Variants in FAM53C observed in about 807,000 individuals in gnomAD.
FAM53C encodes the protein family with sequence similarity 53 member C, also known as protein FAM53C.
In FAM53C, 10 loss-of-function variants were observed where a neutral mutation model predicts 34.7. The ratio of observed to expected loss-of-function variants is 0.29; its 90% confidence interval spans 0.18 to 0.49. FAM53C has a LOEUF of 0.49. Ranked by LOEUF, FAM53C falls within the 20% of genes least tolerant of loss-of-function variation. The probability of loss-of-function intolerance (pLI) is 0.99; values close to 1 mark genes in which losing one functional copy is unlikely to be tolerated. For missense variants in FAM53C, 442 were observed against 515.3 expected (o/e 0.86, Z 1.38); for synonymous variants, 203 against 203.6 (o/e 1.00, Z 0.03).
Position 138,343,600 on chromosome 5 carries a change from T to C in FAM53C, c.137-1225T>C, listed in dbSNP as rs140678682. 1,036 of 152,270 alleles carry C rather than the reference T, an allele frequency of 6.8e-3. 8 individuals are homozygous for C. Among genetic ancestry groups the C allele is most frequent in the South Asian group, 0.012 (59 of 4,826 alleles). 9.4% of individuals were successfully genotyped at this position (152,270 alleles called of 1,614,324 possible). A position where few individuals can be genotyped will look rare whatever the true frequency, so the allele number is the denominator to read the frequency against. ...CACATGTGAAAATATATCTGAGGTA[T>C]AAATTCGTAGATTATTAATTACTGA... On this transcript the variant is annotated intron_variant, in intron 3 of 4. Coordinates refer to ENST00000239906, the MANE Select transcript of FAM53C (RefSeq NM_016605.3).
rs1162802978 is a variant in FAM53C, at chr5:138,346,723, T to C, written c.943T>C (p.Cys315Arg). The C allele has an allele frequency of 6.2e-7, 1 of 1,614,104 alleles. No homozygotes were observed. The highest frequency in any genetic ancestry group is 1.3e-5 in the African/African-American group (1 of 74,956). The change falls in exon 5 of 5, where the codon TGT becomes CGT. Residue 315 changes from cysteine (C) to arginine (R), a missense_variant. Coordinates refer to ENST00000239906, the MANE Select transcript of FAM53C (RefSeq NM_016605.3). Reference sequence around the variant, plus strand: ...ACAGAAACCATACTCAGGAGGTCTTTGTCTCCAAGAAACAGCCCGGGAAGG... The same window carrying C: ...ACAGAAACCATACTCAGGAGGTCTTCGTCTCCAAGAAACAGCCCGGGAAGG... The part of the protein sequence containing the change: ...MNQKPYSGGL[C>R]LQETAREGSS...
intron 4 of FAM53C, among the ~76,000 whole-genome samples, chr5:138,346,388 G>A (rs1761174619): frequency 1.3e-5 from 2 of 152,242 alleles, no homozygotes; most frequent in South Asian, 4.1e-4. Context: ...CACTTTGGGA[G>A]GCCAAGGCAG....
chr5:138,341,223 C>A lies in FAM53C; in HGVS notation c.-113C>A. 1 of 881,034 alleles carries A rather than the reference C, an allele frequency of 1.1e-6. No individual in the cohort carries two copies. The highest frequency in any genetic ancestry group is 1.9e-6 in the Non-Finnish European group (1 of 513,624). The allele number at this position is 881,034 out of a possible 1,614,324, so 54.6% of individuals were successfully genotyped here. ...ACTGGAGAGGGAAGTCCCAATGGTG[C>A]TAGAATGGTGCTGCAGTGGCAGAAG... On this transcript the variant is annotated 5_prime_UTR_variant, in exon 2 of 5. Transcript: ENST00000239906.
Position 138,338,291 on chromosome 5 carries a change from G to T in FAM53C, c.-169G>T, listed in dbSNP as rs1330895657. ...AGAGCTGCTCCGGCCGCGGCCCTGGGAGCTGGAGGAACCGCGGTAGGTGGT... is the reference window on the plus strand; with the variant it reads ...AGAGCTGCTCCGGCCGCGGCCCTGGTAGCTGGAGGAACCGCGGTAGGTGGT... On this transcript the variant is annotated 5_prime_UTR_variant, in exon 1 of 5. Transcript: ENST00000239906. The T allele has an allele frequency of 1.3e-6, 1 of 744,906 alleles. No individual in the cohort carries two copies. Among genetic ancestry groups the T allele is most frequent in the Non-Finnish European group, 2.0e-6 (1 of 493,068 alleles). 46.1% of individuals were successfully genotyped at this position (744,906 alleles called of 1,614,324 possible).
intron 1 of FAM53C, among the ~76,000 whole-genome samples, chr5:138,340,754 C>G (rs544905810): frequency 3.3e-5 from 5 of 152,342 alleles, no homozygotes; most frequent in Admixed American, 3.3e-4. Context: ...CCTACAACCA[C>G]TGTTCTTCCT....
At chr5:138,346,087 C>G (rs1046177072) in intron 4 of FAM53C, among the ~76,000 whole-genome samples, 1 of 152,142 alleles carries the variant, frequency 6.6e-6, no homozygotes, top group Admixed American at 6.5e-5. Context: ...GGTGTGAGTA[C>G]AATTATTGTA....
chr5:138,338,347 G>A (rs991012902), intron 1 of FAM53C, 40 bp downstream of exon 1: 4 of 440,500 alleles, frequency 9.1e-6, no homozygotes, highest in African/African-American at 2.1e-5. Flanking sequence ...GCCTCGGGGC[G>A]GGCACCTCAA....
chr5:138,340,433 G>A (rs1731785627), intron 1 of FAM53C, among the ~76,000 whole-genome samples: 1 of 152,158 alleles, frequency 6.6e-6, no homozygotes, highest in Non-Finnish European at 1.5e-5. Flanking sequence ...TAATTGTGTG[G>A]GCTTGAAGCC....
In FAM53C at chr5:138,344,951, A is replaced by G; in HGVS notation, c.263A>G (p.Lys88Arg). The G allele has an allele frequency of 1.2e-6, 2 of 1,614,138 alleles. No individual in the cohort carries two copies. The highest frequency in any genetic ancestry group is 1.7e-6 in the Non-Finnish European group (2 of 1,180,020). ...LRPPSRGNSP[K>R]EQPFSQVLRP... is the part of the protein sequence containing the mutation. ...CCACCCAGTCGGGGAAACTCCCCCAAGGAGCAGCCCTTCTCCCAAGTCCTA... is the reference window on the plus strand; with the variant it reads ...CCACCCAGTCGGGGAAACTCCCCCAGGGAGCAGCCCTTCTCCCAAGTCCTA... Residue 88 changes from lysine to arginine, a missense_variant, in exon 4 of 5, where the codon AAG becomes AGG. Lys to Arg is a conservative substitution (Grantham distance 26). Transcript: ENST00000239906.
At chr5:138,340,338 C>G (rs922839739) in intron 1 of FAM53C, among the ~76,000 whole-genome samples, 1 of 152,210 alleles carries the variant, frequency 6.6e-6, no homozygotes, top group Non-Finnish European at 1.5e-5. Context: ...AAGCTGTCAG[C>G]TTGCTGCTCA....
At chr5:138,342,795 G>C (rs1455437669) in intron 3 of FAM53C, 1 of 151,964 alleles carries the variant, frequency 6.6e-6, no homozygotes, top group African/African-American at 2.4e-5. Context: ...GGAGGCCGAG[G>C]TGGGCGGATC....
At chr5:138,346,623 C>CAAA in intron 4 of FAM53C, 79 bp from the exon 5 acceptor site, 18 of 1,291,318 alleles carry the variant, frequency 1.4e-5, no homozygotes, top group Admixed American at 2.1e-5. Flanking sequence ...GACTCCGTCT[C>CAAA]AAAAAAAAAA....
chr5:138,343,208 G>T (rs1355295959), intron 3 of FAM53C, among the ~76,000 whole-genome samples: 1 of 151,518 alleles, frequency 6.6e-6, no homozygotes, highest in Non-Finnish European at 1.5e-5. Flanking sequence ...AATCTTGTTT[G>T]GATACATAAA....
chr5:138,347,202 C>G lies in FAM53C; in HGVS notation c.*243C>G. 1 of 555,620 alleles carries G rather than the reference C, an allele frequency of 1.8e-6. No homozygotes were observed. The highest frequency in any genetic ancestry group is 1.9e-5 in the African/African-American group (1 of 52,264). 34.4% of individuals were successfully genotyped at this position (555,620 alleles called of 1,614,324 possible). A position where few individuals can be genotyped will look rare whatever the true frequency, so the allele number is the denominator to read the frequency against. ...AGAGCAGACCCTTCCTATGGCGGCCCTGAGTGTGAGTATCCCTGCCACCAA... is the reference window on the plus strand; with the variant it reads ...AGAGCAGACCCTTCCTATGGCGGCCGTGAGTGTGAGTATCCCTGCCACCAA... On this transcript the variant is annotated 3_prime_UTR_variant, in exon 5 of 5. Transcript: ENST00000239906.
chr5:138,341,634 G>A, intron 2 of FAM53C, 175 bp from the exon 3 acceptor site: 3 of 731,178 alleles, frequency 4.1e-6, no homozygotes, highest in South Asian at 3.4e-5. Context: ...GGTTTGAGAT[G>A]TTGGAAGATG....
chr5:138,338,277 G>A lies in FAM53C; in HGVS notation c.-183G>A. ...CGAACCGAGCGCTCAGAGCTGCTCC[G>A]GCCGCGGCCCTGGGAGCTGGAGGAA... On this transcript the variant is annotated 5_prime_UTR_variant, in exon 1 of 5. Coordinates refer to ENST00000239906, the MANE Select transcript of FAM53C (RefSeq NM_016605.3). 1 of 915,702 alleles carries A rather than the reference G, an allele frequency of 1.1e-6. No homozygotes were observed. Among genetic ancestry groups the A allele is most frequent in the Non-Finnish European group, 1.5e-6 (1 of 648,382 alleles). The allele number at this position is 915,702 out of a possible 1,614,324, so 56.7% of individuals were successfully genotyped here.
At chr5:138,337,830 T>C, upstream of FAM53C, 2 of 529,678 alleles carry the variant, frequency 3.8e-6, no homozygotes, top group East Asian at 1.5e-4. Context: ...GAGGTGGTCG[T>C]GGAGGGCGGG....
At chr5:138,338,362 C>G (rs1033872645) in intron 1 of FAM53C, 55 bp downstream of exon 1, 4 of 411,090 alleles carry the variant, frequency 9.7e-6, no homozygotes, top group African/African-American at 8.5e-5. Context: ...CCTCAACCGT[C>G]CCTCCCTCCT....
At chr5:138,339,122 G>A (rs1029615605) in intron 1 of FAM53C, among the ~76,000 whole-genome samples, 7 of 152,228 alleles carry the variant, frequency 4.6e-5, no homozygotes, top group African/African-American at 1.7e-4. Flanking sequence ...TGAGCCCCGT[G>A]CCAGTTGTTA....
Sources: allele counts gnomAD v4.1 joint callset (sites outside exome capture counted in the v4.1 genomes callset), GRCh38; gene constraint gnomAD v4.1.1; transcripts MANE v1.5; gene names NCBI Gene and HGNC (gene_info 2026-07-23, HGNC 2026-07-21).